Variants in PRKCA observed in about 807,000 individuals in gnomAD.
PRKCA encodes protein kinase C alpha.
In PRKCA, 27 loss-of-function variants were observed where a neutral mutation model predicts 87.0. The observed-to-expected ratio is 0.31, with a 90% CI of 0.23 to 0.43. The LOEUF is 0.43. Ranked by LOEUF, PRKCA falls within the 20% of genes least tolerant of loss-of-function variation. The pLI, the probability that PRKCA is intolerant of heterozygous loss-of-function variation, is 1.00. For synonymous variants in PRKCA, 329 were observed against 311.1 expected, an observed-to-expected ratio of 1.06 and a Z score of -0.61; for missense variants, 518 against 852.3, an observed-to-expected ratio of 0.61 and a Z score of 4.88.
chr17:66,534,616 G>A (rs889492406), intron 3 of PRKCA, among the ~76,000 whole-genome samples: 5 of 152,232 alleles, frequency 3.3e-5, no homozygotes, highest in Middle Eastern at 3.4e-3. Context: ...GCAGTGAGCC[G>A]AGATCACGCC....
chr17:66,399,080 ATTTTC>A (rs61604684), intron 2 of PRKCA, among the ~76,000 whole-genome samples: 121 of 123,750 alleles, frequency 9.8e-4, no homozygotes, highest in Admixed American at 1.8e-3. Context: ...GGTAGACAGC[ATTTTC>A]TTTTCTTTTC....
At position 66,305,913 on chromosome 17, in the gene PRKCA, T is replaced by C. The variant is rs971040013; in HGVS notation, c.174-183T>C. Among the ~76,000 whole-genome samples the C allele has an allele frequency of 2.6e-5, 4 of 152,152 alleles. No homozygotes were observed. The East Asian group carries it at 7.7e-4, about 29-fold the overall frequency. On this transcript the variant is annotated intron_variant, in intron 1 of 16. Coordinates refer to ENST00000413366, the MANE Select transcript of PRKCA (RefSeq NM_002737.3). ...TGATCCTTTATAGGCAAGATTTTTT[T>C]CCCCCCAAGGTTGAATTTACACAGT...
At chr17:66,662,603 C>G (rs2143907385) in intron 5 of PRKCA, among the ~76,000 whole-genome samples, 1 of 151,874 alleles carries the variant, frequency 6.6e-6, no homozygotes, top group South Asian at 2.1e-4. Flanking sequence ...ACGGACTGGC[C>G]CAGAGAGAGA....
chr17:66,692,136 G>A (rs1333117340), intron 8 of PRKCA, among the ~76,000 whole-genome samples: 1 of 152,194 alleles, frequency 6.6e-6, no homozygotes, highest in Non-Finnish European at 1.5e-5. Context: ...CTGGGGAGAG[G>A]TGGCATCAGC....
chr17:66,657,911 T>C (rs1297494695), intron 5 of PRKCA, among the ~76,000 whole-genome samples: 1 of 152,160 alleles, frequency 6.6e-6, no homozygotes, highest in Non-Finnish European at 1.5e-5. Context: ...AAAGAAAGAA[T>C]ACAGCAGGCT....
chr17:66,789,447 C>T (rs1253286816), intron 16 of PRKCA, among the ~76,000 whole-genome samples: 3 of 152,244 alleles, frequency 2.0e-5, no homozygotes, highest in Non-Finnish European at 2.9e-5. Context: ...GCCTGGGCCC[C>T]GCCCCCTCTT....
rs151288331 is a variant in PRKCA at position 66,316,606 on chromosome 17, G to A, written c.205+10479G>A. Reference sequence around the variant, plus strand: ...CATGTGGCCCAAGACAGTTCTTCCAGTGTGGCCCAGGGAAGCCAAAAGATT... The same window carrying A: ...CATGTGGCCCAAGACAGTTCTTCCAATGTGGCCCAGGGAAGCCAAAAGATT... On this transcript the variant is annotated intron_variant, in intron 2 of 16. Coordinates refer to ENST00000413366, the MANE Select transcript of PRKCA (RefSeq NM_002737.3). Among the ~76,000 whole-genome samples the A allele has an allele frequency of 6.0e-3, 911 of 152,210 alleles. 8 individuals are homozygous for A. The highest frequency in any genetic ancestry group is 0.021 in the African/African-American group (870 of 41,528).
At chr17:66,671,690 G>C (rs1567967771) in intron 5 of PRKCA, among the ~76,000 whole-genome samples, 1 of 152,142 alleles carries the variant, frequency 6.6e-6, no homozygotes, top group African/African-American at 2.4e-5. Flanking sequence ...AAGAAAGAAA[G>C]CAGTGGAAGT....
At position 66,803,971 on chromosome 17, in the gene PRKCA, T is replaced by G. The variant is rs1318546977; in HGVS notation, c.1953T>G (p.Ser651=). Residue 651 remains serine (S), a synonymous_variant, in exon 17 of 17, where the codon TCT becomes TCG. Transcript: ENST00000413366. The surrounding 1 kb of genome is among the most constrained non-coding windows in gnomAD (Gnocchi z 4.4). ...DQLVIANIDQ[S]DFEGFSYVNP... is the part of the protein sequence containing the mutation. ...TGGTTATTGCTAACATAGACCAGTC[T>G]GATTTTGAAGGGTTCTCGTATGTCA... 6.2e-7 allele frequency: 1 copy of G among 1,614,104 alleles called. No individual in the cohort carries two copies. The highest frequency in any genetic ancestry group is 1.1e-5 in the South Asian group (1 of 91,080).
intron 2 of PRKCA, among the ~76,000 whole-genome samples, chr17:66,466,609 A>G (rs1157028032): frequency 6.6e-6 from 1 of 152,206 alleles, no homozygotes; most frequent in Non-Finnish European, 1.5e-5. Context: ...AAAAATAATC[A>G]AAGATGGAGT....
At chr17:66,573,179 C>T (rs569067994) in intron 3 of PRKCA, among the ~76,000 whole-genome samples, 1 of 152,316 alleles carries the variant, frequency 6.6e-6, no homozygotes, top group Admixed American at 6.5e-5. Flanking sequence ...AAATAGAAAG[C>T]AGCTCCTCTC....
At chr17:66,673,228 G>T (rs972300769) in intron 5 of PRKCA, among the ~76,000 whole-genome samples, 1 of 152,186 alleles carries the variant, frequency 6.6e-6, no homozygotes, top group Non-Finnish European at 1.5e-5. Flanking sequence ...AAACATTGTT[G>T]TTTCTCATCT....
intron 2 of PRKCA, among the ~76,000 whole-genome samples, chr17:66,432,318 G>A (rs1308258621): frequency 6.6e-6 from 1 of 152,102 alleles, no homozygotes; most frequent in East Asian, 1.9e-4. Flanking sequence ...CCCGTGTACT[G>A]GTTCTGAGCT....
chr17:66,642,280 C>A (rs879762916), intron 4 of PRKCA, among the ~76,000 whole-genome samples: 7 of 152,084 alleles, frequency 4.6e-5, no homozygotes, highest in Non-Finnish European at 7.4e-5. Flanking sequence ...CAGGCCCCCA[C>A]CACCACACCC....
At chr17:66,720,201 A>G (rs1467946589) in intron 8 of PRKCA, among the ~76,000 whole-genome samples, 3 of 152,254 alleles carry the variant, frequency 2.0e-5, no homozygotes, top group African/African-American at 7.2e-5. Context: ...GGGCTAAAGC[A>G]TCCTTTGAGC....
At chr17:66,463,471 C>T (rs886318882) in intron 2 of PRKCA, among the ~76,000 whole-genome samples, 5 of 151,984 alleles carry the variant, frequency 3.3e-5, no homozygotes, top group African/African-American at 9.7e-5. Context: ...TCTCGGCTCA[C>T]TGCAACCTCC....
chr17:66,479,455 A>G (rs946872029), intron 2 of PRKCA, among the ~76,000 whole-genome samples: 1 of 152,220 alleles, frequency 6.6e-6, no homozygotes, highest in Non-Finnish European at 1.5e-5. Flanking sequence ...GCCATTCTTC[A>G]AAGAGCTAAA....
At chr17:66,309,354 A>G (rs1904980043) in intron 2 of PRKCA, among the ~76,000 whole-genome samples, 1 of 152,172 alleles carries the variant, frequency 6.6e-6, no homozygotes, top group Admixed American at 6.5e-5. Flanking sequence ...AGTTATTTCT[A>G]CTTTCATTTA....
intron 3 of PRKCA, among the ~76,000 whole-genome samples, chr17:66,513,119 T>C (rs1321364415): frequency 1.3e-5 from 2 of 152,258 alleles, no homozygotes; most frequent in Non-Finnish European, 2.9e-5. Context: ...GAGAGCAGGA[T>C]GTTATCTTAC....
Sources: gnomAD v4.1 joint callset for allele counts (sites outside exome capture counted in the v4.1 genomes callset) on GRCh38, gnomAD v4.1.1 for gene constraint, Gnocchi (gnomAD v3.1) non-coding constraint, MANE v1.5 for transcripts, NCBI Gene and HGNC (gene_info 2026-07-23, HGNC 2026-07-21) for gene names.